The following JAZF1 variants were observed in gnomAD, a reference collection of about 807,000 sequenced individuals.
JAZF1 encodes JAZF zinc finger 1.
A neutral mutation model predicts 26.4 loss-of-function variants in JAZF1; 8 were observed. The ratio of observed to expected loss-of-function variants is 0.30; its 90% CI spans 0.18 to 0.55. JAZF1 has a LOEUF of 0.55. JAZF1 is among the 20% of genes least tolerant of loss of function. The pLI, the probability that JAZF1 is intolerant of heterozygous loss-of-function variation, is 0.94. For missense variants in JAZF1, 199 were observed against 322.0 expected (o/e 0.62, Z 2.92); for synonymous variants, 126 against 122.3 (o/e 1.03, Z -0.20).
At chr7:27,851,125 T>C (rs1438050608) in intron 3 of JAZF1, among the ~76,000 whole-genome samples, 1 of 152,128 alleles carries the variant, frequency 6.6e-6, no homozygotes, top group Non-Finnish European at 1.5e-5. Context: ...GTATTTTTAG[T>C]AGAGACAGGG....
At chr7:28,131,576 G>A (rs187958817) in intron 1 of JAZF1, among the ~76,000 whole-genome samples, 2 of 152,186 alleles carry the variant, frequency 1.3e-5, no homozygotes, top group East Asian at 3.9e-4. Flanking sequence ...GTCCATGGTC[G>A]ATACAACCTT....
chr7:28,119,797 A>G (rs558918181), intron 1 of JAZF1, among the ~76,000 whole-genome samples: 90 of 152,366 alleles, frequency 5.9e-4, no homozygotes, highest in Admixed American at 5.0e-3. Context: ...CATTTGGGAC[A>G]TATCAATTAA....
At chr7:28,058,525 C>T (rs1243622364) in intron 1 of JAZF1, among the ~76,000 whole-genome samples, 1 of 152,126 alleles carries the variant, frequency 6.6e-6, no homozygotes, top group Non-Finnish European at 1.5e-5. Context: ...GAAGGAGATT[C>T]TGGGAAACAC....
chr7:27,895,160 C>T (rs1784038315), intron 3 of JAZF1, 60 bp downstream of exon 3: 3 of 1,200,476 alleles, frequency 2.5e-6, no homozygotes, highest in Non-Finnish European at 3.4e-6. Flanking sequence ...CAGCACATCA[C>T]ACACACTTTC....
chr7:28,066,205 G>C (rs1055142060), intron 1 of JAZF1, among the ~76,000 whole-genome samples: 7 of 152,074 alleles, frequency 4.6e-5, no homozygotes, highest in African/African-American at 1.4e-4. Flanking sequence ...CTAAGGCTAC[G>C]GAACTTCACC....
intron 1 of JAZF1, among the ~76,000 whole-genome samples, chr7:28,039,044 A>G (rs1783344218): frequency 6.6e-6 from 1 of 152,192 alleles, no homozygotes. Context: ...TGTGTTAACA[A>G]ATTAATAAAG....
chr7:28,105,487 C>T (rs557813571), intron 1 of JAZF1, among the ~76,000 whole-genome samples: 1 of 152,340 alleles, frequency 6.6e-6, no homozygotes, highest in East Asian at 1.9e-4. Context: ...GCAATGCCTG[C>T]CCTATTTCAG....
In JAZF1 at chr7:28,013,949, T is replaced by C. The variant is rs78511186; in HGVS notation, c.116-21968A>G. Among the ~76,000 whole-genome samples the C allele has an allele frequency of 5.4e-3, 827 of 152,238 alleles. 11 individuals carry two copies. Among genetic ancestry groups the C allele is most frequent in the African/African-American group, 0.019 (777 of 41,534 alleles). The stretch of plus-strand genomic sequence containing the variant: ...AATAAAAATTACAGTAACACTTTCT[T>C]AGAAATAGGCCCAAGAAAAAATTTT... On this transcript the variant is annotated intron_variant, in intron 1 of 4. Transcript: ENST00000283928.
chr7:27,918,155 G>A (rs1380943639), intron 2 of JAZF1, among the ~76,000 whole-genome samples: 1 of 152,140 alleles, frequency 6.6e-6, no homozygotes, highest in Non-Finnish European at 1.5e-5. Context: ...CTCCTGTTGT[G>A]TTAAGTCACT....
intron 3 of JAZF1, among the ~76,000 whole-genome samples, chr7:27,847,888 G>A (rs1038679548): frequency 6.6e-6 from 1 of 151,956 alleles, no homozygotes; most frequent in Non-Finnish European, 1.5e-5. Context: ...GGGTGGTCTC[G>A]AACTCCTGAC....
At chr7:27,866,647 G>A (rs1021139772) in intron 3 of JAZF1, among the ~76,000 whole-genome samples, 8 of 152,276 alleles carry the variant, frequency 5.3e-5, no homozygotes, top group Non-Finnish European at 1.0e-4. Flanking sequence ...CAACGACCAA[G>A]GAACCACAAA....
chr7:28,107,339 G>A (rs1784568619), intron 1 of JAZF1, among the ~76,000 whole-genome samples: 1 of 152,202 alleles, frequency 6.6e-6, no homozygotes, highest in South Asian at 2.1e-4. Context: ...TAGTAGCTGA[G>A]GCAAGTCACC....
intron 1 of JAZF1, among the ~76,000 whole-genome samples, chr7:28,068,218 T>C (rs1021585325): frequency 8.2e-6 from 1 of 122,622 alleles, no homozygotes; most frequent in Non-Finnish European, 1.7e-5. Context: ...CTCAGCCTAG[T>C]TTTTTTTTTT....
chr7:27,901,978 T>C (rs1322473891), intron 2 of JAZF1, among the ~76,000 whole-genome samples: 4 of 152,192 alleles, frequency 2.6e-5, no homozygotes, highest in Admixed American at 2.0e-4. Flanking sequence ...CATGTATAAA[T>C]AGGCCTGCAA....
At chr7:28,129,886 C>T (rs1175073532) in intron 1 of JAZF1, among the ~76,000 whole-genome samples, 1 of 151,990 alleles carries the variant, frequency 6.6e-6, no homozygotes, top group Non-Finnish European at 1.5e-5. Context: ...AGAGTATATG[C>T]AGTTACTGTG....
chr7:28,125,963 A>T (rs771272905), intron 1 of JAZF1, among the ~76,000 whole-genome samples: 1 of 152,132 alleles, frequency 6.6e-6, no homozygotes, highest in Non-Finnish European at 1.5e-5. Context: ...AGATGGAACA[A>T]GACCTTTGGG....
intron 2 of JAZF1, among the ~76,000 whole-genome samples, chr7:27,912,980 C>T (rs899622933): frequency 2.0e-5 from 3 of 152,094 alleles, no homozygotes; most frequent in Non-Finnish European, 4.4e-5. Context: ...ATTAACCACA[C>T]ATTCTCTGTG....
chr7:28,108,463 C>G (rs1784588565), intron 1 of JAZF1, among the ~76,000 whole-genome samples: 1 of 152,206 alleles, frequency 6.6e-6, no homozygotes, highest in Non-Finnish European at 1.5e-5. Context: ...GTTGTCTTTA[C>G]TCTTCCCTGC....
At chr7:28,017,104 A>G (rs1782908035) in intron 1 of JAZF1, among the ~76,000 whole-genome samples, 1 of 152,138 alleles carries the variant, frequency 6.6e-6, no homozygotes, top group African/African-American at 2.4e-5. Context: ...TAATTCCAGC[A>G]CTTTGGGAGG....
Sources: gnomAD v4.1 joint callset for allele counts (sites outside exome capture counted in the v4.1 genomes callset) on GRCh38, gnomAD v4.1.1 for gene constraint, MANE v1.5 for transcripts, NCBI Gene and HGNC (gene_info 2026-07-23, HGNC 2026-07-21) for gene names.